FAT3: variants seen among roughly 807,000 people sequenced by gnomAD.
FAT3 encodes protocadherin Fat 3.
A neutral mutation model predicts 310.2 loss-of-function variants in FAT3; 95 were observed. That is an observed-to-expected ratio of 0.31 (90% confidence interval 0.26 to 0.36). The LOEUF (loss-of-function observed/expected upper bound fraction) is 0.36, where lower values mean the gene tolerates loss of function less well. FAT3 is among the 10% of genes least tolerant of loss of function. FAT3 has a pLI of 1.00. For synonymous variants in FAT3, 2,314 were observed against 2,192.9 expected, an observed-to-expected ratio of 1.06 and a Z score of -1.54; for missense variants, 5,408 against 5,715.6, an observed-to-expected ratio of 0.95 and a Z score of 1.74.
chr11:92,701,971 G>A (rs1261189642), intron 4 of FAT3, among the ~76,000 whole-genome samples: 1 of 152,182 alleles, frequency 6.6e-6, no homozygotes, highest in Non-Finnish European at 1.5e-5. Context: ...TCAAGACAGT[G>A]AATTAAGGTA....
In FAT3 at chr11:92,353,462, G is replaced by A; in HGVS notation, c.1350G>A (p.Lys450=). ...TTTATAAACTGGAGGTGACAAACAAGGAAGGAGATTTAAAAGCACAGGTCA... is the reference window on the plus strand; with the variant it reads ...TTTATAAACTGGAGGTGACAAACAAAGAAGGAGATTTAAAAGCACAGGTCA... The part of the protein sequence containing the change: ...KEVYKLEVTN[K]EGDLKAQVTI... Residue 450 remains lysine (K), a synonymous_variant, in exon 2 of 28, where the codon AAG becomes AAA. Transcript: ENST00000525166. 2 of 1,613,494 alleles carry A rather than the reference G, an allele frequency of 1.2e-6. No homozygotes were observed. The highest frequency in any genetic ancestry group is 1.7e-5 in the Admixed American group (1 of 59,844).
chr11:92,558,674 A>G (rs961846717), intron 3 of FAT3, among the ~76,000 whole-genome samples: 1 of 152,022 alleles, frequency 6.6e-6, no homozygotes, highest in Admixed American at 6.6e-5. Flanking sequence ...TTGTTTGTGT[A>G]GTGTTTTTAT....
At chr11:92,248,103 A>C (rs1263480922) in intron 1 of FAT3, among the ~76,000 whole-genome samples, 1 of 152,154 alleles carries the variant, frequency 6.6e-6, no homozygotes, top group Non-Finnish European at 1.5e-5. Flanking sequence ...TTCATCTTTC[A>C]AAAGGAGTTA....
At position 92,799,068 on chromosome 11, in the gene FAT3, A is replaced by G. The variant is rs186427681; in HGVS notation, c.6055A>G (p.Ile2019Val). 1.2e-6 allele frequency: 2 copies of G among 1,613,970 alleles called. No homozygotes were observed. Among genetic ancestry groups the G allele is most frequent in the East Asian group, 2.2e-5 (1 of 44,864 alleles). ...CCTTAATGAGCCCTTAAAATACAGC[A>G]TCTTAAACCCAGGAAATAAGTTCAA... ...NRLNEPLKYSILNPGNKFKIK... is the reference protein window; with the variant it reads ...NRLNEPLKYSVLNPGNKFKIK... Residue 2019 changes from isoleucine (I) to valine (V), a missense_variant, in exon 10 of 28, where the codon ATC becomes GTC. Physicochemically the swap from Ile to Val is conservative, Grantham distance 29. Coordinates refer to ENST00000525166, the MANE Select transcript of FAT3 (RefSeq NM_001367949.2).
intron 1 of FAT3, among the ~76,000 whole-genome samples, chr11:92,298,819 C>T (rs886323258): frequency 6.6e-6 from 1 of 152,088 alleles, no homozygotes; most frequent in African/African-American, 2.4e-5. Flanking sequence ...TCTCACTAAA[C>T]CTGACAGATG....
intron 1 of FAT3, among the ~76,000 whole-genome samples, chr11:92,235,485 G>C (rs1192903025): frequency 2.6e-5 from 4 of 152,096 alleles, no homozygotes; most frequent in African/African-American, 9.7e-5. Flanking sequence ...ATCATTCCCT[G>C]GGCTCAGTGG....
At chr11:92,435,967 A>G (rs1372758523) in intron 2 of FAT3, among the ~76,000 whole-genome samples, 1 of 152,166 alleles carries the variant, frequency 6.6e-6, no homozygotes, top group Non-Finnish European at 1.5e-5. Context: ...CATGTGGCCA[A>G]TTAGTTGTCA....
intron 3 of FAT3, among the ~76,000 whole-genome samples, chr11:92,582,007 A>G (rs533945791): frequency 6.6e-6 from 1 of 152,114 alleles, no homozygotes; most frequent in South Asian, 2.1e-4. Context: ...ACCCATTTTT[A>G]TGGTTATTTC....
At chr11:92,362,410 C>G (rs1375806836) in intron 2 of FAT3, among the ~76,000 whole-genome samples, 5 of 152,346 alleles carry the variant, frequency 3.3e-5, no homozygotes, top group Non-Finnish European at 7.3e-5. Flanking sequence ...ACTCTTCTTT[C>G]TGCTCTGTGC....
chr11:92,830,843 C>T (rs1948228662), intron 13 of FAT3, among the ~76,000 whole-genome samples: 1 of 152,092 alleles, frequency 6.6e-6, no homozygotes, highest in Non-Finnish European at 1.5e-5. Flanking sequence ...AATCAGAAAA[C>T]ACTCTCGCCA....
chr11:92,330,377 A>G (rs985372890), intron 1 of FAT3, among the ~76,000 whole-genome samples: 1 of 152,192 alleles, frequency 6.6e-6, no homozygotes, highest in Non-Finnish European at 1.5e-5. Context: ...TAGCAGAGCT[A>G]TCTGTGTGCC....
chr11:92,733,772 G>A (rs545499772), intron 4 of FAT3, among the ~76,000 whole-genome samples: 1 of 152,262 alleles, frequency 6.6e-6, no homozygotes, highest in South Asian at 2.1e-4. Context: ...TAGATATATG[G>A]GATGAAATCT....
At chr11:92,273,238 G>C (rs1196677464) in intron 1 of FAT3, among the ~76,000 whole-genome samples, 1 of 151,966 alleles carries the variant, frequency 6.6e-6, no homozygotes, top group Non-Finnish European at 1.5e-5. Flanking sequence ...TCTGTTTCTG[G>C]GGAACTTGTA....
chr11:92,747,691 T>C (rs1945714316), intron 4 of FAT3, among the ~76,000 whole-genome samples: 1 of 152,196 alleles, frequency 6.6e-6, no homozygotes, highest in South Asian at 2.1e-4. Flanking sequence ...TTTTGCTGCT[T>C]AGAAATTTCT....
intron 1 of FAT3, among the ~76,000 whole-genome samples, chr11:92,299,984 A>G (rs1946953000): frequency 6.6e-6 from 1 of 152,116 alleles, no homozygotes; most frequent in Non-Finnish European, 1.5e-5. Flanking sequence ...TCCTCATCTC[A>G]TACATTCAAC....
intron 3 of FAT3, among the ~76,000 whole-genome samples, chr11:92,576,955 T>C (rs1169745463): frequency 2.0e-5 from 3 of 152,154 alleles, no homozygotes; most frequent in Non-Finnish European, 4.4e-5. Context: ...TTCACTATGC[T>C]GTACACAGTT....
At chr11:92,548,991 A>G (rs533908840) in intron 3 of FAT3, among the ~76,000 whole-genome samples, 2 of 152,288 alleles carry the variant, frequency 1.3e-5, no homozygotes, top group East Asian at 3.9e-4. Context: ...TATTAAGTCA[A>G]TTGATTAAAA....
In FAT3 at chr11:92,353,512, A is replaced by T; in HGVS notation, c.1400A>T (p.Asp467Val). 2 of 1,613,586 alleles carry T rather than the reference A, an allele frequency of 1.2e-6. No homozygotes were observed. Among genetic ancestry groups the T allele is most frequent in the Non-Finnish European group, 8.5e-7 (1 of 1,179,762 alleles). ...QVTISIEDAN[D>V]HTPEFQQPLY... ...ACCATCAGCATAGAAGATGCAAATG[A>T]CCACACCCCAGAATTTCAGCAACCA... Residue 467 changes from aspartate to valine, a missense_variant, in exon 2 of 28, where the codon GAC becomes GTC. Transcript: ENST00000525166.
chr11:92,401,358 C>A (rs994444586), intron 2 of FAT3, among the ~76,000 whole-genome samples: 1 of 152,132 alleles, frequency 6.6e-6, no homozygotes, highest in Non-Finnish European at 1.5e-5. Flanking sequence ...CTTCGTGAAA[C>A]CCTTCCTGAC....
Sources: allele counts gnomAD v4.1 joint callset (sites outside exome capture counted in the v4.1 genomes callset), GRCh38; gene constraint gnomAD v4.1.1; transcripts MANE v1.5; gene names NCBI Gene and HGNC (gene_info 2026-07-23, HGNC 2026-07-21).